The following RC3H1 variants were observed in gnomAD, a reference collection of about 807,000 sequenced individuals.
RC3H1 encodes the protein roquin-1.
Under a neutral mutation model 138.2 loss-of-function variants are expected in RC3H1, and 50 were observed. That is an observed-to-expected ratio of 0.36 (90% confidence interval 0.29 to 0.46). RC3H1 has a LOEUF of 0.46. Among genes scored for constraint, RC3H1 ranks in the 20% least tolerant of loss-of-function variants. RC3H1 has a pLI of 1.00. For synonymous variants in RC3H1, 462 were observed against 489.1 expected, an observed-to-expected ratio of 0.94 and a Z score of 0.73; for missense variants, 1,031 against 1,388.1, an observed-to-expected ratio of 0.74 and a Z score of 4.09.
intron 9 of RC3H1, 78 bp downstream of exon 9, chr1:173,970,426 TA>T (rs1230705511): frequency 1.1e-6 from 1 of 875,708 alleles, no homozygotes; most frequent in Non-Finnish European, 1.9e-6. Flanking sequence ...ATAAAGCAGC[TA>T]CTCTTTCTGT....
At chr1:174,009,938 G>A (rs1448975771) in intron 1 of RC3H1, among the ~76,000 whole-genome samples, 3 of 152,086 alleles carry the variant, frequency 2.0e-5, no homozygotes, top group Non-Finnish European at 4.4e-5. Context: ...CTTCGTCCTC[G>A]CAATGAGCCT....
chr1:174,006,222 G>A (rs969922351), intron 1 of RC3H1, among the ~76,000 whole-genome samples: 12 of 151,996 alleles, frequency 7.9e-5, no homozygotes, highest in African/African-American at 2.7e-4. Flanking sequence ...AAATAAATAA[G>A]TAAATAAATA....
chr1:173,979,934 G>A (rs1162846346), intron 6 of RC3H1, among the ~76,000 whole-genome samples: 1 of 151,896 alleles, frequency 6.6e-6, no homozygotes, highest in African/African-American at 2.4e-5. Flanking sequence ...CTCTGTTGCC[G>A]AGGTGCTAAC....
At chr1:173,994,796 CAAAAAAAA>C (rs984715226) in intron 1 of RC3H1, among the ~76,000 whole-genome samples, 2 of 67,160 alleles carry the variant, frequency 3.0e-5, no homozygotes, top group Admixed American at 3.6e-4. Flanking sequence ...GACCCCATCT[CAAAAAAAA>C]AAAAAAAAAA....
At position 173,964,915 on chromosome 1, in the gene RC3H1, G is replaced by A; in HGVS notation, c.1540C>T (p.Pro514Ser). 2 of 1,614,044 alleles carry A rather than the reference G, an allele frequency of 1.2e-6. No individual in the cohort carries two copies. Among genetic ancestry groups the A allele is most frequent in the Non-Finnish European group, 1.7e-6 (2 of 1,179,958 alleles). The change falls in exon 10 of 20, where the codon CCC becomes TCC. Residue 514 changes from proline (P) to serine (S), a missense_variant. Physicochemically the swap from Pro to Ser is moderately conservative, Grantham distance 74. This residue lies in a region of RC3H1 where 716 missense variants were observed against 837.9 expected (regional missense o/e 0.85). Coordinates refer to ENST00000367696, the MANE Select transcript of RC3H1 (RefSeq NM_172071.4). ...GGTTTCAGACTAGAATCATAGCTGG[G>A]GTCTGTCCCTCGCGGAATAAGCTGT... ...VTQLIPRGTD[P>S]SYDSSLKPGK...
chr1:173,936,035 T>C lies in RC3H1; in HGVS notation c.*2686A>G, dbSNP rs978374804. 6 of 152,154 alleles carry C rather than the reference T, an allele frequency of 3.9e-5. No individual in the cohort carries two copies. Among genetic ancestry groups the C allele is most frequent in the African/African-American group, 1.4e-4 (6 of 41,386 alleles). The allele number at this position is 152,154 out of a possible 1,614,324, so 9.4% of individuals were successfully genotyped here. A position where few individuals can be genotyped will look rare whatever the true frequency, so the allele number is the denominator to read the frequency against. ...TTATACAGTGACTTTTCTGGTTTTG[T>C]TCAGAACAGGAATACTGTATAAATT... is the stretch of plus-strand genomic sequence containing the variant. On this transcript the variant is annotated 3_prime_UTR_variant, in exon 20 of 20. Transcript: ENST00000367696.
chr1:174,015,180 A>G lies in RC3H1; in HGVS notation c.-151+6916T>C, dbSNP rs116816489. 7.8e-3 allele frequency among the ~76,000 whole-genome samples: 1,180 copies of G among 152,172 alleles called. 14 individuals carry two copies. Among genetic ancestry groups the G allele is most frequent in the African/African-American group, 0.027 (1,130 of 41,514 alleles). The stretch of plus-strand genomic sequence containing the variant: ...AAATTCCTTGAATTATGTACAAAGC[A>G]AGAGAACTTCTAAACCAATATGTTA... On this transcript the variant is annotated intron_variant, in intron 1 of 19. Coordinates refer to ENST00000367696, the MANE Select transcript of RC3H1 (RefSeq NM_172071.4).
At chr1:173,994,635 C>A (rs1181588436) in intron 1 of RC3H1, among the ~76,000 whole-genome samples, 1 of 150,062 alleles carries the variant, frequency 6.7e-6, no homozygotes, top group African/African-American at 2.5e-5. Context: ...CCTGTCTCTA[C>A]AAAAATTAGC....
intron 7 of RC3H1, among the ~76,000 whole-genome samples, chr1:173,975,897 CAAAAAAAAAAAAAAAAAAAAA>C (rs71299434): frequency 2.8e-4 from 1 of 3,604 alleles, no homozygotes; most frequent in East Asian, 0.015. Context: ...GACTCCGTCT[CAAAAAAAAAAAAAAAAAAAAA>C]AAAAAAAAAA....
rs768337737 is a variant in RC3H1 at position 173,963,967 on chromosome 1, C to T, written c.1831+6G>A. The T allele has an allele frequency of 4.3e-6, 7 of 1,612,124 alleles. No homozygotes were observed. In the African/African-American group the frequency reaches 5.3e-5, roughly 12 times the overall value. ...AAAGTTAGCAATATAAATTTAAAAT[C>T]GTTACCCTGCTGATAAGGTGCTGGT... On this transcript the variant is annotated splice_donor_region_variant and intron_variant, in intron 11 of 19. Coordinates refer to ENST00000367696, the MANE Select transcript of RC3H1 (RefSeq NM_172071.4).
At chr1:174,002,035 T>C (rs1224491382) in intron 1 of RC3H1, among the ~76,000 whole-genome samples, 1 of 152,148 alleles carries the variant, frequency 6.6e-6, no homozygotes, top group Non-Finnish European at 1.5e-5. Flanking sequence ...AAATTAATCA[T>C]AAATTTCTGA....
Position 173,952,046 on chromosome 1 carries a change from G to A in RC3H1, c.2463C>T (p.Tyr821=), listed in dbSNP as rs781099363. ...TGGGTTTTGCATCTTTGGTTCCAAT[G>A]TAGGAGCCGATGGTGTCACATGACC... ...SPWSCDTIGS[Y]IGTKDAKPKD... The change falls in exon 14 of 20, where the codon TAC becomes TAT. Residue 821 remains tyrosine (Y), a synonymous_variant. Coordinates refer to ENST00000367696, the MANE Select transcript of RC3H1 (RefSeq NM_172071.4). The A allele has an allele frequency of 1.4e-5, 22 of 1,607,510 alleles. No homozygotes were observed. The South Asian group carries it at 2.3e-4, about 17-fold the overall frequency.
At chr1:173,940,421 A>C (rs1447256531) in intron 19 of RC3H1, among the ~76,000 whole-genome samples, 1 of 152,126 alleles carries the variant, frequency 6.6e-6, no homozygotes, top group Non-Finnish European at 1.5e-5. Flanking sequence ...CCGTGAGCCG[A>C]GATCGTGCCA....
chr1:173,932,777 A>G lies in RC3H1; in HGVS notation c.*5944T>C, dbSNP rs1448116376. 1 of 152,102 alleles carries G rather than the reference A, an allele frequency of 6.6e-6. No individual in the cohort carries two copies. The highest frequency in any genetic ancestry group is 1.5e-5 in the Non-Finnish European group (1 of 67,982). 9.4% of individuals were successfully genotyped at this position (152,102 alleles called of 1,614,324 possible). ...GCCAATCAATGGAGAAAGATTACAC[A>G]AATAAATGGTGATTAAAAAAAGGCA... On this transcript the variant is annotated 3_prime_UTR_variant, in exon 20 of 20. Coordinates refer to ENST00000367696, the MANE Select transcript of RC3H1 (RefSeq NM_172071.4).
intron 1 of RC3H1, among the ~76,000 whole-genome samples, chr1:173,996,421 G>A (rs572537331): frequency 6.6e-5 from 10 of 152,272 alleles, no homozygotes; most frequent in Admixed American, 2.6e-4. Flanking sequence ...TCAACAAGCT[G>A]TAAGCAGACA....
intron 2 of RC3H1, 54 bp downstream of exon 2, chr1:173,992,693 CACACACAG>C: frequency 5.7e-6 from 7 of 1,218,172 alleles, no homozygotes; most frequent in South Asian, 1.3e-5. Flanking sequence ...CACACACACA[CACACACAG>C]AGAGAGAGAG....
intron 13 of RC3H1, among the ~76,000 whole-genome samples, chr1:173,959,070 C>T (rs540754293): frequency 1.5e-4 from 23 of 152,072 alleles, no homozygotes; most frequent in African/African-American, 5.5e-4. Flanking sequence ...AGAAAGGAGT[C>T]AAGAATATGT....
At chr1:174,016,643 T>C (rs1052043040) in intron 1 of RC3H1, among the ~76,000 whole-genome samples, 1 of 151,404 alleles carries the variant, frequency 6.6e-6, no homozygotes, top group Non-Finnish European at 1.5e-5. Flanking sequence ...AAATTTTAAA[T>C]TTTTTTTGTA....
In RC3H1 at chr1:173,962,069, A is replaced by G. The variant is rs774893964; in HGVS notation, c.1858T>C (p.Cys620Arg). Reference protein sequence around the residue: ...QGMYYTPPPQCVSRFVRPPPS... With the variant: ...QGMYYTPPPQRVSRFVRPPPS... ...GGAGGTCGGACAAAGCGGGACACAC[A>G]TTGTGGTGGTGGAGTATAATACATA... is the stretch of plus-strand genomic sequence containing the variant. Residue 620 changes from cysteine (C) to arginine (R), a missense_variant, in exon 12 of 20, where the codon TGT (cysteine) becomes CGT (arginine). This residue lies in a region of RC3H1 where 716 missense variants were observed against 837.9 expected (regional missense o/e 0.85). Coordinates refer to ENST00000367696, the MANE Select transcript of RC3H1 (RefSeq NM_172071.4). 4 of 1,613,602 alleles carry G rather than the reference A, an allele frequency of 2.5e-6. No individual in the cohort carries two copies. Among genetic ancestry groups the G allele is most frequent in the South Asian group, 1.1e-5 (1 of 90,962 alleles).
Sources: allele counts gnomAD v4.1 joint callset (sites outside exome capture counted in the v4.1 genomes callset), GRCh38; gene constraint gnomAD v4.1.1; regional missense constraint gnomAD v4.1.1; transcripts MANE v1.5; gene names NCBI Gene and HGNC (gene_info 2026-07-23, HGNC 2026-07-21).